Variants in PARPBP observed in about 807,000 individuals in gnomAD.
PARPBP encodes the protein PARP1 binding protein, also known as PCNA-interacting partner.
A neutral mutation model predicts 50.0 loss-of-function variants in PARPBP; 52 were observed. The observed-to-expected ratio is 1.04, with a 90% CI of 0.83 to 1.31. The LOEUF is 1.31. PARPBP is among the 50% of genes most tolerant of loss of function. The probability of loss-of-function intolerance (pLI) is 0.00; values close to 1 mark genes in which losing one functional copy is unlikely to be tolerated. For missense variants in PARPBP, 697 were observed against 672.0 expected (o/e 1.04, Z -0.41); for synonymous variants, 244 against 232.1 (o/e 1.05, Z -0.47).
chr12:102,158,256 A>G (rs1158624386), intron 4 of PARPBP, among the ~76,000 whole-genome samples: 1 of 152,100 alleles, frequency 6.6e-6, no homozygotes, highest in Non-Finnish European at 1.5e-5. Context: ...ATCTCAGGGT[A>G]ACTCCTCAAT....
In PARPBP at chr12:102,178,769, A is replaced by G; in HGVS notation, c.1183A>G (p.Arg395Gly). 6.3e-7 allele frequency: 1 copy of G among 1,585,962 alleles called. No homozygotes were observed. Among genetic ancestry groups the G allele is most frequent in the African/African-American group, 1.4e-5 (1 of 73,980 alleles). Reference sequence around the variant, plus strand: ...TGGAACGTCTATTCTTACACTTTTTAGGTAAGTTATGTGGAAGTTATATGT... The same window carrying G: ...TGGAACGTCTATTCTTACACTTTTTGGGTAAGTTATGTGGAAGTTATATGT... ...HHGTSILTLFRSPTQVNNSIK... is the reference protein window; with the variant it reads ...HHGTSILTLFGSPTQVNNSIK... The change falls in exon 8 of 11, where the codon AGG becomes GGG. Residue 395 changes from arginine to glycine, a missense_variant and splice_region_variant. Coordinates refer to ENST00000327680, the MANE Select transcript of PARPBP (RefSeq NM_017915.5).
intron 8 of PARPBP, among the ~76,000 whole-genome samples, chr12:102,181,567 C>A (rs1401490567): frequency 2.0e-5 from 3 of 152,134 alleles, no homozygotes; most frequent in African/African-American, 4.8e-5. Flanking sequence ...AATCTTATGG[C>A]ATCACTGTCA....
At chr12:102,145,529 AC>A (rs1016571062) in intron 2 of PARPBP, among the ~76,000 whole-genome samples, 6 of 151,740 alleles carry the variant, frequency 4.0e-5, no homozygotes, top group Non-Finnish European at 5.9e-5. Context: ...AATAAAAAAA[AC>A]CTTCAACTTG....
chr12:102,145,116 T>G (rs2138433340), intron 2 of PARPBP, among the ~76,000 whole-genome samples: 1 of 152,270 alleles, frequency 6.6e-6, no homozygotes, highest in Non-Finnish European at 1.5e-5. Flanking sequence ...TACCAGTGGC[T>G]AATTATTATA....
At chr12:102,122,234 A>G (rs1411749377) in intron 1 of PARPBP, among the ~76,000 whole-genome samples, 1 of 152,146 alleles carries the variant, frequency 6.6e-6, no homozygotes, top group African/African-American at 2.4e-5. Flanking sequence ...TTTTTCTTTC[A>G]AGAGATGAGG....
chr12:102,131,404 GT>G (rs1407315451), intron 2 of PARPBP, among the ~76,000 whole-genome samples: 2 of 152,184 alleles, frequency 1.3e-5, no homozygotes, highest in African/African-American at 4.8e-5. Flanking sequence ...GTGTAAATTA[GT>G]TCAACCATTG....
chr12:102,151,288 C>T (rs186051386), intron 3 of PARPBP, among the ~76,000 whole-genome samples: 240 of 152,174 alleles, frequency 1.6e-3, no homozygotes, highest in Non-Finnish European at 2.9e-3. Flanking sequence ...GGGGGTGCCG[C>T]GGGTGCTTCA....
At chr12:102,120,329 G>T in intron 1 of PARPBP, 43 bp downstream of exon 1, 1 of 369,496 alleles carries the variant, frequency 2.7e-6, no homozygotes, top group South Asian at 1.9e-5. Flanking sequence ...GCATTTTTAA[G>T]TGGTGATTCA....
At chr12:102,174,248 C>T (rs552976303) in intron 6 of PARPBP, among the ~76,000 whole-genome samples, 1 of 152,038 alleles carries the variant, frequency 6.6e-6, no homozygotes, top group African/African-American at 2.4e-5. Flanking sequence ...ATTGTAATTC[C>T]ATAGGATGGG....
At chr12:102,191,851 A>G (rs912605661) in intron 9 of PARPBP, among the ~76,000 whole-genome samples, 4 of 152,182 alleles carry the variant, frequency 2.6e-5, no homozygotes, top group South Asian at 2.1e-4. Context: ...TTTAACAGCC[A>G]TGTATGAATC....
chr12:102,151,583 A>C (rs1381447122), intron 3 of PARPBP: 26 of 1,535,400 alleles, frequency 1.7e-5, no homozygotes, highest in Non-Finnish European at 2.2e-5. Context: ...TCAACTATAC[A>C]GCCACCTTCA....
intron 2 of PARPBP, 77 bp downstream of exon 2, chr12:102,124,118 TTAAGAA>T: frequency 1.0e-6 from 1 of 952,418 alleles, no homozygotes; most frequent in Non-Finnish European, 1.6e-6. Context: ...AAACTTAAGC[TTAAGAA>T]TATTAATTTC....
intron 4 of PARPBP, among the ~76,000 whole-genome samples, chr12:102,157,286 A>G (rs963560157): frequency 6.6e-6 from 1 of 152,220 alleles, no homozygotes; most frequent in African/African-American, 2.4e-5. Flanking sequence ...TCTTTAGCGT[A>G]CATTTCCTAA....
intron 2 of PARPBP, among the ~76,000 whole-genome samples, chr12:102,136,758 C>T (rs1018739580): frequency 1.3e-5 from 2 of 152,156 alleles, no homozygotes; most frequent in Non-Finnish European, 2.9e-5. Context: ...TTAGCTTAGG[C>T]ATCCTCAACT....
At chr12:102,136,434 T>G (rs1269239587) in intron 2 of PARPBP, among the ~76,000 whole-genome samples, 6 of 152,202 alleles carry the variant, frequency 3.9e-5, no homozygotes, top group Non-Finnish European at 8.8e-5. Flanking sequence ...AATAAGTAGA[T>G]TTTTTCAACA....
At chr12:102,156,923 TG>T (rs981844024) in intron 4 of PARPBP, among the ~76,000 whole-genome samples, 3 of 152,242 alleles carry the variant, frequency 2.0e-5, no homozygotes, top group African/African-American at 7.2e-5. Context: ...ATTACAGGCA[TG>T]AGACACTGTG....
intron 4 of PARPBP, among the ~76,000 whole-genome samples, chr12:102,164,057 C>T (rs1328623079): frequency 6.6e-6 from 1 of 152,082 alleles, no homozygotes; most frequent in African/African-American, 2.4e-5. Context: ...CTCTGGATTC[C>T]TCTATGTTCT....
intron 9 of PARPBP, among the ~76,000 whole-genome samples, chr12:102,187,478 C>T (rs1890399000): frequency 1.3e-5 from 2 of 152,106 alleles, no homozygotes; most frequent in Non-Finnish European, 2.9e-5. Context: ...GTTCTATCTA[C>T]TGAATTGGGG....
At chr12:102,150,147 G>A (rs1046411899) in intron 3 of PARPBP, 16 of 430,378 alleles carry the variant, frequency 3.7e-5, no homozygotes, top group Admixed American at 1.0e-4. Flanking sequence ...AAATGTCATC[G>A]TGTCATCAGG....
Sources: allele counts gnomAD v4.1 joint callset (sites outside exome capture counted in the v4.1 genomes callset), GRCh38; gene constraint gnomAD v4.1.1; transcripts MANE v1.5; gene names NCBI Gene and HGNC (gene_info 2026-07-23, HGNC 2026-07-21).